Variants in CASKIN2 observed in about 807,000 individuals in gnomAD.
CASKIN2 encodes the protein CASK interacting protein 2, also known as caskin-2.
In CASKIN2, 41 loss-of-function variants were observed where a neutral mutation model predicts 107.1. That is an observed-to-expected ratio of 0.38 (90% CI 0.30 to 0.50). The LOEUF (loss-of-function observed/expected upper bound fraction) is 0.50. CASKIN2 is among the 20% of genes least tolerant of loss of function. CASKIN2 has a pLI of 0.92. For missense variants in CASKIN2, 1,546 were observed against 1,657.4 expected (o/e 0.93, Z 1.17); for synonymous variants, 724 against 705.6 (o/e 1.03, Z -0.41).
intron 2 of CASKIN2, among the ~76,000 whole-genome samples, chr17:75,512,352 C>G (rs900428403): frequency 2.0e-5 from 3 of 152,160 alleles, no homozygotes; most frequent in African/African-American, 7.2e-5. Context: ...CTGGGACAGC[C>G]CAGAGAGCCC....
chr17:75,503,519 C>T lies in CASKIN2; in HGVS notation c.1689G>A (p.Leu563=). ...EWLPSYIPTD[L]LEWLCALGLP... Reference sequence around the variant, plus strand: ...GCCCCAGTGCACACAGCCACTCCAGCAGGTCCGTCTGGAAGAGCACCGTCC... The same window carrying T: ...GCCCCAGTGCACACAGCCACTCCAGTAGGTCCGTCTGGAAGAGCACCGTCC... The change falls in exon 17 of 20, where the codon CTG becomes CTA. Residue 563 remains leucine, a synonymous_variant. Coordinates refer to ENST00000321617, the MANE Select transcript of CASKIN2 (RefSeq NM_020753.5). 1 of 1,609,884 alleles carries T rather than the reference C, an allele frequency of 6.2e-7. No homozygotes were observed. The highest frequency in any genetic ancestry group is 8.5e-7 in the Non-Finnish European group (1 of 1,179,336).
chr17:75,512,018 C>T (rs1333255825), intron 2 of CASKIN2, among the ~76,000 whole-genome samples: 2 of 152,218 alleles, frequency 1.3e-5, no homozygotes. Context: ...AGCACCTCCC[C>T]AGTGGCACCC....
chr17:75,509,872 CGA>C, intron 2 of CASKIN2: 1 of 985,722 alleles, frequency 1.0e-6, no homozygotes. Context: ...CAGTCCCTCC[CGA>C]GAGGAGCAGG....
Position 75,501,881 on chromosome 17 carries a change from G to A in CASKIN2, c.3193C>T (p.Pro1065Ser). 1 of 1,566,480 alleles carries A rather than the reference G, an allele frequency of 6.4e-7. No homozygotes were observed. Among genetic ancestry groups the A allele is most frequent in the Non-Finnish European group, 8.6e-7 (1 of 1,156,568 alleles). Residue 1065 changes from proline to serine, a missense_variant, in exon 18 of 20, where the codon CCC (proline) becomes TCC (serine). Physicochemically the swap from Pro to Ser is moderately conservative, Grantham distance 74. Transcript: ENST00000321617. ...PSPAMQPPVP[P>S]CPGPGLESSA... ...CTTTCCAGACCTGGCCCTGGGCAGG[G>A]CGGCACTGGAGGCTGCATGGCGGGG...
chr17:75,502,782 A>G lies in CASKIN2; in HGVS notation c.2292T>C (p.Ser764=). The change falls in exon 18 of 20, where the codon TCT becomes TCC. Residue 764 remains serine (S), a synonymous_variant. Coordinates refer to ENST00000321617, the MANE Select transcript of CASKIN2 (RefSeq NM_020753.5). This position sits in a 1 kb window ranked among gnomAD's most constrained non-coding sequence, Gnocchi z 4.3. The part of the protein sequence containing the change: ...YVFMYPQGSP[S]SPAPGPPPGA... ...CAGGAGGTGGCCCTGGGGCCGGGCT[A>G]GAGGGTGAGCCCTGGGGGTACATAA... 2 of 1,600,836 alleles carry G rather than the reference A, an allele frequency of 1.2e-6. No individual in the cohort carries two copies. The highest frequency in any genetic ancestry group is 3.4e-5 in the Admixed American group (2 of 58,954).
chr17:75,510,107 C>T (rs555446277), intron 2 of CASKIN2, among the ~76,000 whole-genome samples: 7 of 152,302 alleles, frequency 4.6e-5, no homozygotes, highest in Admixed American at 2.0e-4. Context: ...AAGGGTGGCT[C>T]CTGATTTAGG....
intron 4 of CASKIN2, 73 bp from the exon 5 acceptor site, chr17:75,507,202 C>A: frequency 2.7e-6 from 4 of 1,494,146 alleles, no homozygotes; most frequent in Non-Finnish European, 3.6e-6. Flanking sequence ...GAGCAGAGTA[C>A]GGAGCCAGCC....
chr17:75,501,436 C>G (rs1408643001), intron 19 of CASKIN2, 32 bp downstream of exon 19: 4 of 1,582,640 alleles, frequency 2.5e-6, no homozygotes, highest in Non-Finnish European at 3.5e-6. Flanking sequence ...TTCTCTGCAG[C>G]CTTCTCTCCC....
Position 75,513,650 on chromosome 17 carries a change from C to A in CASKIN2, c.94+61G>T, listed in dbSNP as rs748347688. The A allele has an allele frequency of 3.0e-6, 4 of 1,329,612 alleles. No individual in the cohort carries two copies. In the Admixed American group the frequency reaches 5.1e-5, roughly 17 times the overall value. The allele number at this position is 1,329,612 out of a possible 1,614,324, so 82.4% of individuals were successfully genotyped here. A position where few individuals can be genotyped will look rare whatever the true frequency, so the allele number is the denominator to read the frequency against. On this transcript the variant is annotated intron_variant, in intron 2 of 19. Coordinates refer to ENST00000321617, the MANE Select transcript of CASKIN2 (RefSeq NM_020753.5). ...GATCACAGTGACCCACCCCCACCCA[C>A]CAAGCCTCTGTGAACTGAGCGCTCG...
At position 75,502,504 on chromosome 17, in the gene CASKIN2, T is replaced by C; in HGVS notation, c.2570A>G (p.Gln857Arg). The change falls in exon 18 of 20, where the codon CAG becomes CGG. Residue 857 changes from glutamine to arginine, a missense_variant. Physicochemically the swap from Gln to Arg is conservative, Grantham distance 43. Coordinates refer to ENST00000321617, the MANE Select transcript of CASKIN2 (RefSeq NM_020753.5). This position sits in a 1 kb window ranked among gnomAD's most constrained non-coding sequence, Gnocchi z 4.3. ...GCGCCGGGCCCGCAGGGCAAAGGAC[T>C]GGCTGCGAGGAGTCCCCCGAGCTGG... ...PTPARGTPRS[Q>R]SFALRARRKG... 1 of 1,466,770 alleles carries C rather than the reference T, an allele frequency of 6.8e-7. No homozygotes were observed. The highest frequency in any genetic ancestry group is 2.5e-5 in the East Asian group (1 of 40,578). The allele number at this position is 1,466,770 out of a possible 1,614,324, so 90.9% of individuals were successfully genotyped here.
At position 75,506,578 on chromosome 17, in the gene CASKIN2, G is replaced by C. The variant is rs1189892021; in HGVS notation, c.617+5C>G. 2 of 1,612,598 alleles carry C rather than the reference G, an allele frequency of 1.2e-6. No individual in the cohort carries two copies. The highest frequency in any genetic ancestry group is 1.3e-5 in the African/African-American group (1 of 74,892). Reference sequence around the variant, plus strand: ...GATGAGGAAGCGAGGGGACCCCAAGGGTACCTGATGACTTCTCTGTGGCCA... The same window carrying C: ...GATGAGGAAGCGAGGGGACCCCAAGCGTACCTGATGACTTCTCTGTGGCCA... On this transcript the variant is annotated splice_donor_5th_base_variant and intron_variant, in intron 7 of 19. Coordinates refer to ENST00000321617, the MANE Select transcript of CASKIN2 (RefSeq NM_020753.5). This position sits in a 1 kb window ranked among gnomAD's most constrained non-coding sequence, Gnocchi z 4.8.
chr17:75,502,461 CG>C lies in CASKIN2; in HGVS notation c.2612del (p.Pro871ArgfsTer19). 1 of 1,015,520 alleles carries C rather than the reference CG, an allele frequency of 9.8e-7. No individual in the cohort carries two copies. Among genetic ancestry groups the C allele is most frequent in the East Asian group, 4.1e-5 (1 of 24,352 alleles). The allele number at this position is 1,015,520 out of a possible 1,614,324, so 62.9% of individuals were successfully genotyped here. A position where few individuals can be genotyped will look rare whatever the true frequency, so the allele number is the denominator to read the frequency against. ...AGACGGAGCTGAGGCGCTTGGGGGGCGGGGGCGGGGGGCCTTTGCGCCGGGC... is the reference window on the plus strand; with the variant it reads ...AGACGGAGCTGAGGCGCTTGGGGGGCGGGGCGGGGGGCCTTTGCGCCGGGC... ...LRARRKGPPPPPPKRLSSVSG... is the reference protein window; with the variant it reads ...LRARRKGPPPXPPKRLSSVSG... On this transcript the variant is annotated frameshift_variant, in exon 18 of 20. Coordinates refer to ENST00000321617, the MANE Select transcript of CASKIN2 (RefSeq NM_020753.5). LOFTEE classifies it high-confidence loss of function. The surrounding 1 kb of genome is among the most constrained non-coding windows in gnomAD (Gnocchi z 4.3).
At position 75,506,290 on chromosome 17, in the gene CASKIN2, G is replaced by A. The variant is rs751496755; in HGVS notation, c.726+15C>T. 1 of 1,601,830 alleles carries A rather than the reference G, an allele frequency of 6.2e-7. No homozygotes were observed. The highest frequency in any genetic ancestry group is 1.1e-5 in the South Asian group (1 of 90,896). On this transcript the variant is annotated intron_variant, in intron 8 of 19. Coordinates refer to ENST00000321617, the MANE Select transcript of CASKIN2 (RefSeq NM_020753.5). The surrounding 1 kb of genome is among the most constrained non-coding windows in gnomAD (Gnocchi z 4.8). Reference sequence around the variant, plus strand: ...CTCCATGGACACCTGCGAGGGAGCAGGGGCCCATACCCACCTCCAGAAGCA... The same window carrying A: ...CTCCATGGACACCTGCGAGGGAGCAAGGGCCCATACCCACCTCCAGAAGCA...
rs1484416673 is a variant in CASKIN2, at chr17:75,505,365, TTTTG to T, written c.930+188_930+191del. The T allele has an allele frequency of 6.2e-6, 4 of 643,202 alleles. No homozygotes were observed. The highest frequency in any genetic ancestry group is 5.5e-5 in the African/African-American group (3 of 54,816). 39.8% of individuals were successfully genotyped at this position (643,202 alleles called of 1,614,324 possible). A position where few individuals can be genotyped will look rare whatever the true frequency, so the allele number is the denominator to read the frequency against. On this transcript the variant is annotated intron_variant, in intron 10 of 19. Transcript: ENST00000321617. The surrounding 1 kb of genome is among the most constrained non-coding windows in gnomAD (Gnocchi z 5.1). Reference sequence around the variant, plus strand: ...GTCACTTGAATTTCTCTTGATTTTATTTTGTTTAATTCTCAATTTTGTCATCTGT... The same window carrying T: ...GTCACTTGAATTTCTCTTGATTTTATTTTAATTCTCAATTTTGTCATCTGT...
rs2146971820 is a variant in CASKIN2, at chr17:75,500,544, C to G, written c.*536G>C. 6.3e-6 allele frequency: 1 copy of G among 157,772 alleles called. No individual in the cohort carries two copies. The highest frequency in any genetic ancestry group is 1.4e-5 in the Non-Finnish European group (1 of 71,120). 9.8% of individuals were successfully genotyped at this position (157,772 alleles called of 1,614,324 possible). A position where few individuals can be genotyped will look rare whatever the true frequency, so the allele number is the denominator to read the frequency against. On this transcript the variant is annotated 3_prime_UTR_variant, in exon 20 of 20. Coordinates refer to ENST00000321617, the MANE Select transcript of CASKIN2 (RefSeq NM_020753.5). ...CCCCACTGCCTCCCACCCCTGCTAG[C>G]CCTGCCTCAGTGAGGGAAGGCGGGG...
At chr17:75,504,019 CCACCA>C in intron 14 of CASKIN2, 57 bp from the exon 15 acceptor site, 1 of 1,496,180 alleles carries the variant, frequency 6.7e-7, no homozygotes, top group Non-Finnish European at 9.2e-7. Flanking sequence ...GCCCTAGCCC[CCACCA>C]GGGGCTCAGG....
In CASKIN2 at chr17:75,505,262, G is replaced by T. The variant is rs1345079086; in HGVS notation, c.931-189C>A. On this transcript the variant is annotated intron_variant, in intron 10 of 19. Coordinates refer to ENST00000321617, the MANE Select transcript of CASKIN2 (RefSeq NM_020753.5). The surrounding 1 kb of genome is among the most constrained non-coding windows in gnomAD (Gnocchi z 5.1). ...CAGCAGCCAGCTCAATCTCCCCTGT[G>T]CCTCCAGGGCGAGCCCCAGTGGCAG... 6 of 691,218 alleles carry T rather than the reference G, an allele frequency of 8.7e-6. No individual in the cohort carries two copies. The highest frequency in any genetic ancestry group is 1.4e-5 in the Non-Finnish European group (6 of 413,956). 42.8% of individuals were successfully genotyped at this position (691,218 alleles called of 1,614,324 possible).
In CASKIN2 at chr17:75,504,621, G is replaced by A. The variant is rs749914889; in HGVS notation, c.1265C>T (p.Ser422Phe). The A allele has an allele frequency of 6.2e-7, 1 of 1,609,206 alleles. No homozygotes were observed. Among genetic ancestry groups the A allele is most frequent in the East Asian group, 2.2e-5 (1 of 44,734 alleles). Residue 422 changes from serine (S) to phenylalanine (F), a missense_variant, in exon 12 of 20, where the codon TCT becomes TTT. By Grantham distance (155) the Ser-to-Phe change is radical. Around this residue, in one of 6 missense-constraint regions of CASKIN2, gnomAD observed 1,311 missense variants for 1,311.0 expected, o/e 1.00. Transcript: ENST00000321617. ...SIRSAGSGQS[S>F]EGTNGHGPGL... is the part of the protein sequence containing the mutation. ...AGGGCCATGGCCATTAGTGCCCTCA[G>A]AGCTCTGCCCGCTGCCGGCACTGCG...
rs762973216 is a variant in CASKIN2, at chr17:75,504,351, G to T, written c.1376-45C>A. ...TGGAATGGAAAGGTGGCAGGAGGAA[G>T]GGGTGCCCACCCTCGGCCTCCTTAC... is the stretch of plus-strand genomic sequence containing the variant. On this transcript the variant is annotated intron_variant, in intron 13 of 19. Transcript: ENST00000321617. 3 of 1,597,370 alleles carry T rather than the reference G, an allele frequency of 1.9e-6. No homozygotes were observed. In the East Asian group the frequency reaches 6.8e-5, roughly 36 times the overall value.
Sources: gnomAD v4.1 joint callset for allele counts (sites outside exome capture counted in the v4.1 genomes callset) on GRCh38, gnomAD v4.1.1 for gene constraint, gnomAD v4.1.1 regional missense constraint, Gnocchi (gnomAD v3.1) non-coding constraint, MANE v1.5 for transcripts, NCBI Gene and HGNC (gene_info 2026-07-23, HGNC 2026-07-21) for gene names.